The following FLT1 variants were observed in gnomAD, a reference collection of about 807,000 sequenced individuals.
The protein encoded by FLT1 is vascular endothelial growth factor receptor 1.
In FLT1, 49 loss-of-function variants were observed where a neutral mutation model predicts 156.3. The observed-to-expected ratio is 0.31, with a 90% CI of 0.25 to 0.40. FLT1 has a LOEUF of 0.40. Among genes scored for constraint, FLT1 ranks in the 10% least tolerant of loss-of-function variants. The pLI, the probability that FLT1 is intolerant of heterozygous loss-of-function variation, is 1.00. For missense variants in FLT1, 1,322 were observed against 1,637.2 expected (o/e 0.81, Z 3.32); for synonymous variants, 594 against 583.8 (o/e 1.02, Z -0.25).
chr13:28,377,024 T>A (rs1873866655), intron 14 of FLT1, among the ~76,000 whole-genome samples: 1 of 152,206 alleles, frequency 6.6e-6, no homozygotes. Flanking sequence ...TCAAACAGGA[T>A]TCATCTCTGA....
At chr13:28,428,567 G>C (rs1465112788) in intron 8 of FLT1, among the ~76,000 whole-genome samples, 1 of 152,076 alleles carries the variant, frequency 6.6e-6, no homozygotes. Flanking sequence ...GTTGCACACA[G>C]AACTGAGAGT....
chr13:28,474,246 A>G (rs1880413085), intron 1 of FLT1, among the ~76,000 whole-genome samples: 1 of 152,148 alleles, frequency 6.6e-6, no homozygotes, highest in South Asian at 2.1e-4. Flanking sequence ...ACCTGAGGTC[A>G]GGAGTTCGAG....
At chr13:28,359,305 A>G (rs966422858) in intron 14 of FLT1, among the ~76,000 whole-genome samples, 1 of 152,190 alleles carries the variant, frequency 6.6e-6, no homozygotes, top group African/African-American at 2.4e-5. Flanking sequence ...CTCCTTAATA[A>G]GTGGTGTTGG....
chr13:28,361,926 G>A (rs116456604), intron 14 of FLT1, among the ~76,000 whole-genome samples: 1,543 of 152,270 alleles, frequency 0.01, 27 homozygotes, highest in African/African-American at 0.035. Context: ...TAGTGAAAGC[G>A]ACATTTAAGG....
intron 7 of FLT1, 109 bp from the exon 8 acceptor site, chr13:28,430,276 A>T: frequency 1.3e-6 from 1 of 771,574 alleles, no homozygotes; most frequent in Non-Finnish European, 2.3e-6. Context: ...AACAGAGCTG[A>T]ATTATGATAG....
At position 28,357,694 on chromosome 13, in the gene FLT1, T is replaced by C. The variant is rs770308778; in HGVS notation, c.2117-9A>G. 6.2e-7 allele frequency: 1 copy of C among 1,612,716 alleles called. No individual in the cohort carries two copies. Among genetic ancestry groups the C allele is most frequent in the South Asian group, 1.1e-5 (1 of 91,022 alleles). On this transcript the variant is annotated splice_polypyrimidine_tract_variant and intron_variant, in intron 14 of 29. Coordinates refer to ENST00000282397, the MANE Select transcript of FLT1 (RefSeq NM_002019.4). ...TGGTCCTAAAATAATTCCTGAGGGG[T>C]GAGAGATGTTTAGATTAGTGGGCCT...
At chr13:28,390,422 G>T (rs923955932) in intron 12 of FLT1, among the ~76,000 whole-genome samples, 1 of 151,998 alleles carries the variant, frequency 6.6e-6, no homozygotes, top group Non-Finnish European at 1.5e-5. Context: ...TTGAATCAGG[G>T]TCTTGCTATG....
At chr13:28,345,744 A>AAAGGC in intron 15 of FLT1, 193 bp from the exon 16 acceptor site, 1 of 587,470 alleles carries the variant, frequency 1.7e-6, no homozygotes, top group South Asian at 2.0e-5. Context: ...CTCACATAGA[A>AAAGGC]AAGGCAGTAT....
rs1449218579 is a variant in FLT1 at position 28,300,528 on chromosome 13, CA to C, written c.*2638del. The C allele has an allele frequency of 1.8e-4, 5 of 27,638 alleles. No individual in the cohort carries two copies. Among genetic ancestry groups the C allele is most frequent in the African/African-American group, 3.3e-4 (5 of 15,270 alleles). 1.7% of individuals were successfully genotyped at this position (27,638 alleles called of 1,614,324 possible). ...CACAAAACACACATACACCCACACA[CA>C]CACACACACACACACACACACACAC... On this transcript the variant is annotated 3_prime_UTR_variant, in exon 30 of 30. Coordinates refer to ENST00000282397, the MANE Select transcript of FLT1 (RefSeq NM_002019.4).
chr13:28,424,304 G>A (rs1394769422), intron 10 of FLT1, among the ~76,000 whole-genome samples: 5 of 151,188 alleles, frequency 3.3e-5, no homozygotes, highest in Admixed American at 3.3e-4. Context: ...TTTCTTCTTG[G>A]TTCATTACCT....
intron 27 of FLT1, 41 bp downstream of exon 27, chr13:28,311,549 T>TG: frequency 1.3e-6 from 2 of 1,549,308 alleles, no homozygotes; most frequent in Non-Finnish European, 1.8e-6. Flanking sequence ...TTTTTTTTGT[T>TG]GGAAAATTCT....
chr13:28,350,945 T>C (rs1449345546), intron 15 of FLT1, among the ~76,000 whole-genome samples: 1 of 150,996 alleles, frequency 6.6e-6, no homozygotes, highest in East Asian at 1.9e-4. Context: ...CCTTTCTCTC[T>C]CTCTCCCTCT....
In FLT1 at chr13:28,303,248, A is replaced by C. The variant is rs112735765; in HGVS notation, c.3936T>G (p.Ala1312=). The C allele has an allele frequency of 2.5e-6, 4 of 1,613,898 alleles. No individual in the cohort carries two copies. In the East Asian group the frequency reaches 8.9e-5, roughly 36 times the overall value. The change falls in exon 30 of 30, where the codon GCT becomes GCG. Residue 1312 remains alanine (A), a synonymous_variant. Coordinates refer to ENST00000282397, the MANE Select transcript of FLT1 (RefSeq NM_002019.4). ...AGCACGCGATTTTCCTTTCCAGCTC[A>C]GCGTGGTCGTAGGTGAACCTGCGCT... ...EGKRRFTYDH[A]ELERKIACCS... is the part of the protein sequence containing the mutation.
At chr13:28,323,063 G>T in intron 20 of FLT1, 117 bp from the exon 21 acceptor site, 1 of 1,137,648 alleles carries the variant, frequency 8.8e-7, no homozygotes, top group Non-Finnish European at 1.3e-6. Flanking sequence ...TTCTCAAAAT[G>T]GATCGTGAAC....
intron 3 of FLT1, among the ~76,000 whole-genome samples, chr13:28,451,604 G>C (rs1331546537): frequency 6.6e-6 from 1 of 151,966 alleles, no homozygotes; most frequent in Non-Finnish European, 1.5e-5. Flanking sequence ...CATCAGCATA[G>C]CTGTGTGCGG....
chr13:28,368,800 G>A, intron 14 of FLT1: 4 of 565,374 alleles, frequency 7.1e-6, no homozygotes, highest in South Asian at 2.5e-5. Flanking sequence ...CACCTTCCGG[G>A]TTCAAGCGAT....
chr13:28,311,687 T>A lies in FLT1; in HGVS notation c.3538A>T (p.Ser1180Cys). Residue 1180 changes from serine (S) to cysteine (C), a missense_variant, in exon 27 of 30, where the codon AGT becomes TGT. Coordinates refer to ENST00000282397, the MANE Select transcript of FLT1 (RefSeq NM_002019.4). ...IPINAILTGN[S>C]GFTYSTPAFS... is the part of the protein sequence containing the mutation. Reference sequence around the variant, plus strand: ...GCAGGAGTTGAGTATGTAAACCCACTATTTCCTGTCAGTATGGCATTGATT... The same window carrying A: ...GCAGGAGTTGAGTATGTAAACCCACAATTTCCTGTCAGTATGGCATTGATT... 6.2e-7 allele frequency: 1 copy of A among 1,613,860 alleles called. No individual in the cohort carries two copies. The highest frequency in any genetic ancestry group is 2.2e-5 in the East Asian group (1 of 44,852).
At chr13:28,419,662 G>A (rs1171586215) in intron 10 of FLT1, among the ~76,000 whole-genome samples, 1 of 152,186 alleles carries the variant, frequency 6.6e-6, no homozygotes, top group Non-Finnish European at 1.5e-5. Flanking sequence ...GATGGATCAC[G>A]AGGTCAGGGG....
At position 28,319,533 on chromosome 13, in the gene FLT1, G is replaced by A; in HGVS notation, c.3176C>T (p.Thr1059Ile). 1.9e-6 allele frequency: 3 copies of A among 1,602,030 alleles called. No homozygotes were observed. The highest frequency in any genetic ancestry group is 2.6e-6 in the Non-Finnish European group (3 of 1,169,454). Residue 1059 changes from threonine (T) to isoleucine (I), a missense_variant and splice_region_variant, in exon 24 of 30, where the codon ACT becomes ATT. Thr to Ile is a moderately conservative substitution (Grantham distance 89). Transcript: ENST00000282397. Reference sequence around the variant, plus strand: ...AGCCATCCATTTCAGAGGAAGTCGAGTCTAGAAGAGGGCAAGGGGGCCTTG... The same window carrying A: ...AGCCATCCATTTCAGAGGAAGTCGAATCTAGAAGAGGGCAAGGGGGCCTTG... Reference protein sequence around the residue: ...KNPDYVRKGDTRLPLKWMAPE... With the variant: ...KNPDYVRKGDIRLPLKWMAPE...
Sources: allele counts gnomAD v4.1 joint callset (sites outside exome capture counted in the v4.1 genomes callset), GRCh38; gene constraint gnomAD v4.1.1; transcripts MANE v1.5; gene names NCBI Gene and HGNC (gene_info 2026-07-23, HGNC 2026-07-21).